The following PCDHGB3 variants were observed in gnomAD, a reference collection of about 807,000 sequenced individuals.
PCDHGB3 encodes protocadherin gamma-B3.
PCDHGB3 carries 40 observed loss-of-function variants against 59.2 expected under a neutral mutation model. The observed-to-expected ratio is 0.68, with a 90% CI of 0.52 to 0.88. The LOEUF (loss-of-function observed/expected upper bound fraction) is 0.88, where lower values mean the gene tolerates loss of function less well. PCDHGB3 is among the 40% of genes least tolerant of loss of function. PCDHGB3 has a pLI of 0.00. For missense variants in PCDHGB3, 1,309 were observed against 1,187.9 expected, an observed-to-expected ratio of 1.10 and a Z score of -1.50; for synonymous variants, 581 against 503.6, an observed-to-expected ratio of 1.15 and a Z score of -2.06.
chr5:141,429,239 T>C (rs1344971786), intron 1 of PCDHGB3: 1 of 151,802 alleles, frequency 6.6e-6, no homozygotes, highest in East Asian at 1.9e-4. Context: ...ACTGCTGTCA[T>C]TGAGATATTT....
chr5:141,375,938 G>A (rs1772064836), intron 1 of PCDHGB3: 1 of 1,613,558 alleles, frequency 6.2e-7, no homozygotes, highest in African/African-American at 1.3e-5. Flanking sequence ...ACTTTTCTCA[G>A]TGGGCCTGCA....
chr5:141,383,949 G>A (rs538018556), intron 1 of PCDHGB3: 18 of 1,613,702 alleles, frequency 1.1e-5, no homozygotes, highest in Non-Finnish European at 1.3e-5. Flanking sequence ...TGACTATGAC[G>A]TCTTTAAGTA....
intron 1 of PCDHGB3, chr5:141,423,565 C>G: frequency 1.2e-6 from 2 of 1,613,594 alleles, no homozygotes; most frequent in Non-Finnish European, 1.7e-6. Context: ...TGGGGACACG[C>G]TCATCAGCCA....
At chr5:141,409,538 A>G (rs772375542) in intron 1 of PCDHGB3, 5 of 1,613,844 alleles carry the variant, frequency 3.1e-6, no homozygotes, top group Non-Finnish European at 4.2e-6. Flanking sequence ...CGCTGACATC[A>G]ACGACAACGC....
intron 1 of PCDHGB3, among the ~76,000 whole-genome samples, chr5:141,449,413 C>G (rs2098637966): frequency 6.6e-6 from 1 of 151,656 alleles, no homozygotes; most frequent in African/African-American, 2.4e-5. Flanking sequence ...TCAAGACCAG[C>G]CTGGCCAACA....
intron 1 of PCDHGB3, chr5:141,409,656 G>A: frequency 6.2e-7 from 1 of 1,613,618 alleles, no homozygotes; most frequent in South Asian, 1.1e-5. Context: ...GGGCTCAATG[G>A]CCACATCTCC....
intron 1 of PCDHGB3, chr5:141,426,945 A>G: frequency 8.8e-6 from 4 of 456,724 alleles, no homozygotes; most frequent in Non-Finnish European, 1.8e-5. Context: ...CCCAGTCCCA[A>G]CTGGCACTGC....
chr5:141,376,127 G>A (rs1331529697), intron 1 of PCDHGB3: 4 of 1,613,828 alleles, frequency 2.5e-6, no homozygotes, highest in East Asian at 2.2e-5. Flanking sequence ...CGAGCCCTCC[G>A]CCAAACCCAA....
At chr5:141,376,032 GCCAGC>G in intron 1 of PCDHGB3, 1 of 1,613,116 alleles carries the variant, frequency 6.2e-7, no homozygotes, top group South Asian at 1.1e-5. Flanking sequence ...CAGGACCACG[GCCAGC>G]CCCCTCTCTC....
chr5:141,478,623 G>A, intron 1 of PCDHGB3: 2 of 1,554,358 alleles, frequency 1.3e-6, no homozygotes, highest in Non-Finnish European at 1.7e-6. Flanking sequence ...GAATGGAGCT[G>A]TTTTTTTAGT....
chr5:141,417,871 C>T (rs1317007566), intron 1 of PCDHGB3: 1 of 1,554,006 alleles, frequency 6.4e-7, no homozygotes, highest in African/African-American at 1.4e-5. Context: ...TGGGAGGGAG[C>T]TGCGCGCAGA....
chr5:141,375,308 G>A (rs761294258), intron 1 of PCDHGB3: 1 of 1,613,722 alleles, frequency 6.2e-7, no homozygotes, highest in African/African-American at 1.3e-5. Flanking sequence ...GACAAATGCA[G>A]CTCTAGACCG....
intron 1 of PCDHGB3, among the ~76,000 whole-genome samples, chr5:141,467,695 T>C (rs1189395935): frequency 6.6e-6 from 1 of 152,142 alleles, no homozygotes; most frequent in Non-Finnish European, 1.5e-5. Flanking sequence ...AGGGTCTGGC[T>C]CTGTTGCCCA....
chr5:141,440,902 G>C (rs138147244), intron 1 of PCDHGB3: 1 of 152,110 alleles, frequency 6.6e-6, no homozygotes, highest in Admixed American at 6.6e-5. Context: ...ATGTGCATCC[G>C]GGCACTCCTG....
chr5:141,492,122 C>G (rs2154587050), intron 1 of PCDHGB3, among the ~76,000 whole-genome samples: 1 of 152,328 alleles, frequency 6.6e-6, no homozygotes, highest in Admixed American at 6.5e-5. Context: ...GATTTCTCCC[C>G]AGCTCCCAGC....
At chr5:141,421,080 C>G in intron 1 of PCDHGB3, 1 of 638,368 alleles carries the variant, frequency 1.6e-6, no homozygotes, top group South Asian at 2.1e-5. Flanking sequence ...GATGGATACT[C>G]ACAGATCCTG....
At chr5:141,396,015 T>C (rs1243437259) in intron 1 of PCDHGB3, 1 of 152,252 alleles carries the variant, frequency 6.6e-6, no homozygotes, top group South Asian at 2.1e-4. Context: ...AAAGTGACTT[T>C]TGTAAAATAT....
chr5:141,495,817 T>G (rs2099764054), intron 2 of PCDHGB3, among the ~76,000 whole-genome samples: 1 of 152,110 alleles, frequency 6.6e-6, no homozygotes, highest in African/African-American at 2.4e-5. Context: ...TAGCGCCTTG[T>G]GTTCTTCTAT....
chr5:141,442,006 G>A (rs540427406), intron 1 of PCDHGB3: 77 of 229,074 alleles, frequency 3.4e-4, no homozygotes, highest in African/African-American at 1.6e-3. Context: ...CTGACAGCTC[G>A]CACGATGGGC....
Sources: gnomAD v4.1 joint callset for allele counts (sites outside exome capture counted in the v4.1 genomes callset) on GRCh38, gnomAD v4.1.1 for gene constraint, MANE v1.5 for transcripts, NCBI Gene and HGNC (gene_info 2026-07-23, HGNC 2026-07-21) for gene names.